PLXDC2: variants seen among roughly 807,000 people sequenced by gnomAD.
PLXDC2 encodes the protein plexin domain-containing protein 2.
In PLXDC2, 40 loss-of-function variants were observed where a neutral mutation model predicts 68.9. The observed-to-expected ratio is 0.58, with a 90% CI of 0.45 to 0.76. PLXDC2 has a LOEUF of 0.76. Ranked by LOEUF, PLXDC2 falls within the 30% of genes least tolerant of loss-of-function variation. The pLI is 0.00. For synonymous variants in PLXDC2, 243 were observed against 234.2 expected (o/e 1.04, Z -0.34); for missense variants, 644 against 661.9 (o/e 0.97, Z 0.30).
chr10:20,270,130 C>T (rs1835918432), intron 13 of PLXDC2, among the ~76,000 whole-genome samples: 1 of 151,906 alleles, frequency 6.6e-6, no homozygotes, highest in Non-Finnish European at 1.5e-5. Flanking sequence ...ATGATGGTCC[C>T]AAGGGAGTTA....
intron 1 of PLXDC2, among the ~76,000 whole-genome samples, chr10:19,894,345 G>A (rs1838018709): frequency 6.7e-6 from 1 of 149,406 alleles, no homozygotes; most frequent in African/African-American, 2.5e-5. Context: ...ATGACATACC[G>A]TAAAATTCTC....
At chr10:20,127,986 A>T (rs897776838) in intron 4 of PLXDC2, among the ~76,000 whole-genome samples, 5 of 152,196 alleles carry the variant, frequency 3.3e-5, no homozygotes, top group Non-Finnish European at 5.9e-5. Context: ...TCTAGACAGT[A>T]TCTATCCCAA....
intron 4 of PLXDC2, among the ~76,000 whole-genome samples, chr10:20,142,512 G>C (rs1367821449): frequency 6.6e-6 from 1 of 152,080 alleles, no homozygotes; most frequent in Non-Finnish European, 1.5e-5. Context: ...AATAAACCTA[G>C]TGTGAATAAT....
chr10:20,241,463 C>A (rs1484662831), intron 12 of PLXDC2, among the ~76,000 whole-genome samples: 1 of 152,314 alleles, frequency 6.6e-6, no homozygotes, highest in Middle Eastern at 3.4e-3. Context: ...ATACCTTAAT[C>A]TTCCCTCTCC....
chr10:20,271,463 A>T (rs1835939907), intron 13 of PLXDC2, among the ~76,000 whole-genome samples: 1 of 152,216 alleles, frequency 6.6e-6, no homozygotes, highest in Non-Finnish European at 1.5e-5. Flanking sequence ...GGTGAAAAGA[A>T]TTCAACAAGA....
intron 1 of PLXDC2, among the ~76,000 whole-genome samples, chr10:19,981,260 G>A (rs1480238078): frequency 6.6e-6 from 1 of 152,138 alleles, no homozygotes; most frequent in Non-Finnish European, 1.5e-5. Flanking sequence ...AAGAGACAAA[G>A]CAATTTGAAC....
chr10:19,924,002 G>T (rs1283402647), intron 1 of PLXDC2, among the ~76,000 whole-genome samples: 2 of 152,200 alleles, frequency 1.3e-5, no homozygotes, highest in Admixed American at 6.5e-5. Flanking sequence ...GGTGGAGGTT[G>T]CAGTGAGCCA....
At chr10:20,273,849 C>CT (rs1360900592) in intron 13 of PLXDC2, among the ~76,000 whole-genome samples, 6 of 152,016 alleles carry the variant, frequency 3.9e-5, no homozygotes, top group African/African-American at 1.4e-4. Flanking sequence ...AAACCTGTCT[C>CT]TACTAAATAA....
At chr10:19,899,660 G>A (rs917699920) in intron 1 of PLXDC2, among the ~76,000 whole-genome samples, 1 of 151,812 alleles carries the variant, frequency 6.6e-6, no homozygotes, top group Admixed American at 6.6e-5. Flanking sequence ...ATTCTTATGG[G>A]GAAAAAGTGA....
intron 1 of PLXDC2, among the ~76,000 whole-genome samples, chr10:19,957,766 A>T (rs1355696393): frequency 1.3e-5 from 2 of 152,172 alleles, no homozygotes; most frequent in East Asian, 3.8e-4. Flanking sequence ...TTATGCAGTT[A>T]TTAATACATG....
intron 9 of PLXDC2, among the ~76,000 whole-genome samples, chr10:20,189,556 C>CACACACAT (rs369119157): frequency 2.0e-3 from 248 of 124,766 alleles, no homozygotes; most frequent in Middle Eastern, 8.7e-3. Context: ...CACACACACA[C>CACACACAT]ATATATATAT....
chr10:19,978,551 T>G (rs927404890), intron 1 of PLXDC2, among the ~76,000 whole-genome samples: 1 of 152,182 alleles, frequency 6.6e-6, no homozygotes, highest in African/African-American at 2.4e-5. Flanking sequence ...CATGTTCAGA[T>G]TTAATTTCAC....
intron 9 of PLXDC2, among the ~76,000 whole-genome samples, chr10:20,211,410 G>A (rs956742919): frequency 3.3e-5 from 5 of 152,102 alleles, no homozygotes; most frequent in African/African-American, 7.2e-5. Flanking sequence ...TAGGTATTCC[G>A]TACAGTGCAG....
intron 1 of PLXDC2, among the ~76,000 whole-genome samples, chr10:19,842,938 C>T (rs1186132110): frequency 6.6e-6 from 1 of 152,190 alleles, no homozygotes; most frequent in Non-Finnish European, 1.5e-5. Context: ...AAGCAGTGCA[C>T]AGCTAAATGT....
At position 20,209,501 on chromosome 10, in the gene PLXDC2, A is replaced by G. The variant is rs1054869287; in HGVS notation, c.1062-2168A>G. On this transcript the variant is annotated intron_variant, in intron 9 of 13. Coordinates refer to ENST00000377252, the MANE Select transcript of PLXDC2 (RefSeq NM_032812.9). ...TGTAACAAAGTTGCACATTGTGCAC[A>G]TGTACCCTAAAACTTAAAGTATAAT... Among the ~76,000 whole-genome samples, 16 of 148,944 alleles carry G rather than the reference A, an allele frequency of 1.1e-4. 1 individual carries two copies. The highest frequency in any genetic ancestry group is 8.8e-4 in the Admixed American group (13 of 14,748).
chr10:19,872,092 G>T (rs1031289685), intron 1 of PLXDC2, among the ~76,000 whole-genome samples: 1 of 152,126 alleles, frequency 6.6e-6, no homozygotes, highest in Non-Finnish European at 1.5e-5. Context: ...TGCAATGCTG[G>T]TTTGGAGCAA....
At chr10:20,127,180 C>T (rs2131771968) in intron 4 of PLXDC2, among the ~76,000 whole-genome samples, 1 of 152,138 alleles carries the variant, frequency 6.6e-6, no homozygotes, top group East Asian at 1.9e-4. Flanking sequence ...TCTTCTACTC[C>T]TTTTGAGCTT....
chr10:20,044,775 C>T (rs1835767758), intron 2 of PLXDC2, among the ~76,000 whole-genome samples: 1 of 152,282 alleles, frequency 6.6e-6, no homozygotes, highest in South Asian at 2.1e-4. Context: ...TCAGTAATTG[C>T]TCCTTCTTAG....
At chr10:20,144,771 T>G (rs979554150) in intron 5 of PLXDC2, among the ~76,000 whole-genome samples, 1 of 152,196 alleles carries the variant, frequency 6.6e-6, no homozygotes, top group Non-Finnish European at 1.5e-5. Context: ...CACTGACTAT[T>G]TTCCAAACTC....
Sources: gnomAD v4.1 joint callset for allele counts (sites outside exome capture counted in the v4.1 genomes callset) on GRCh38, gnomAD v4.1.1 for gene constraint, MANE v1.5 for transcripts, NCBI Gene and HGNC (gene_info 2026-07-23, HGNC 2026-07-21) for gene names.